KCND2: variants seen among roughly 807,000 people sequenced by gnomAD.
The protein encoded by KCND2 is potassium voltage-gated channel subfamily D member 2, also known as A-type voltage-gated potassium channel KCND2.
In KCND2, 16 loss-of-function variants were observed where a neutral mutation model predicts 54.4. The ratio of observed to expected loss-of-function variants is 0.29; its 90% confidence interval spans 0.20 to 0.45. KCND2 has a LOEUF of 0.45. Among genes scored for constraint, KCND2 ranks in the 20% least tolerant of loss-of-function variants. The pLI, the probability that KCND2 is intolerant of heterozygous loss-of-function variation, is 1.00. For missense variants in KCND2, 486 were observed against 824.2 expected, an observed-to-expected ratio of 0.59 and a Z score of 5.02; for synonymous variants, 317 against 310.7, an observed-to-expected ratio of 1.02 and a Z score of -0.21.
intron 1 of KCND2, among the ~76,000 whole-genome samples, chr7:120,556,359 C>T (rs1253308863): frequency 2.6e-5 from 4 of 152,128 alleles, no homozygotes; most frequent in African/African-American, 9.7e-5. Context: ...TGACTTCCTA[C>T]CAGATTAAGG....
At position 120,411,277 on chromosome 7, in the gene KCND2, T is replaced by G. The variant is rs550340936; in HGVS notation, c.1115+135530T>G. Among the ~76,000 whole-genome samples the G allele has an allele frequency of 2.0e-5, 3 of 152,068 alleles. No individual in the cohort carries two copies. The South Asian group carries it at 6.2e-4, about 32-fold the overall frequency. Reference sequence around the variant, plus strand: ...GTCCACTATCCTTAAAGATCATTTATATAGACCCCATGAGGAAATGTCATT... The same window carrying G: ...GTCCACTATCCTTAAAGATCATTTAGATAGACCCCATGAGGAAATGTCATT... On this transcript the variant is annotated intron_variant, in intron 1 of 5. Transcript: ENST00000331113.
intron 1 of KCND2, among the ~76,000 whole-genome samples, chr7:120,534,374 C>T (rs57580892): frequency 0.027 from 4,060 of 152,150 alleles, 159 homozygotes; most frequent in African/African-American, 0.091. Context: ...TTACCTAACC[C>T]GGTGTCAGTC....
At position 120,528,093 on chromosome 7, in the gene KCND2, T is replaced by A. The variant is rs1457634848; in HGVS notation, c.1116-204810T>A. 2.0e-5 allele frequency among the ~76,000 whole-genome samples: 3 copies of A among 152,158 alleles called. No homozygotes were observed. In the East Asian group the frequency reaches 5.8e-4, roughly 29 times the overall value. Reference sequence around the variant, plus strand: ...TTACTTCTTTCTGTGATTTTATTACTTCTCTGCTACAAAGACAAACATTGT... The same window carrying A: ...TTACTTCTTTCTGTGATTTTATTACATCTCTGCTACAAAGACAAACATTGT... On this transcript the variant is annotated intron_variant, in intron 1 of 5. Transcript: ENST00000331113.
chr7:120,666,968 T>C (rs902505359), intron 1 of KCND2, among the ~76,000 whole-genome samples: 1 of 151,878 alleles, frequency 6.6e-6, no homozygotes, highest in Middle Eastern at 3.2e-3. Flanking sequence ...CAAAGAACAA[T>C]TGCAGAAAGG....
intron 1 of KCND2, among the ~76,000 whole-genome samples, chr7:120,665,683 TA>T (rs1452298355): frequency 6.6e-6 from 1 of 152,048 alleles, no homozygotes; most frequent in East Asian, 1.9e-4. Flanking sequence ...AAGAAATTGT[TA>T]AAGTCATTTA....
intron 1 of KCND2, among the ~76,000 whole-genome samples, chr7:120,700,024 G>A (rs1250667091): frequency 6.6e-6 from 1 of 152,088 alleles, no homozygotes; most frequent in Non-Finnish European, 1.5e-5. Context: ...GGAAGAATCA[G>A]GACAAGAGCT....
Position 120,409,325 on chromosome 7 carries a change from TG to T in KCND2, c.1115+133579del, listed in dbSNP as rs1344634251. On this transcript the variant is annotated intron_variant, in intron 1 of 5. Coordinates refer to ENST00000331113, the MANE Select transcript of KCND2 (RefSeq NM_012281.3). ...GATTGTTTATCAATTTACTAGCTGA[TG>T]ATCATTTGGCTATTATGTTATATAC... Among the ~76,000 whole-genome samples, 4 of 152,004 alleles carry T rather than the reference TG, an allele frequency of 2.6e-5. No homozygotes were observed. In the East Asian group the frequency reaches 7.7e-4, roughly 29 times the overall value.
At position 120,749,418 on chromosome 7, in the gene KCND2, G is replaced by A. The variant is rs574508858; in HGVS notation, c.*1560G>A. On this transcript the variant is annotated 3_prime_UTR_variant, in exon 6 of 6. Coordinates refer to ENST00000331113, the MANE Select transcript of KCND2 (RefSeq NM_012281.3). ...TCAGCAGACATGTCTGCACATGACA[G>A]TGTAAAAAAGTTTAATGTCAAATGC... 3 of 152,400 alleles carry A rather than the reference G, an allele frequency of 2.0e-5. No individual in the cohort carries two copies. The South Asian group carries it at 6.2e-4, about 32-fold the overall frequency. The allele number at this position is 152,400 out of a possible 1,614,324, so 9.4% of individuals were successfully genotyped here. A position where few individuals can be genotyped will look rare whatever the true frequency, so the allele number is the denominator to read the frequency against.
intron 1 of KCND2, among the ~76,000 whole-genome samples, chr7:120,596,549 T>A (rs572911437): frequency 6.6e-6 from 1 of 152,298 alleles, no homozygotes; most frequent in South Asian, 2.1e-4. Flanking sequence ...TTGTACCAAT[T>A]GTATATGCCA....
At chr7:120,518,112 G>A (rs981099650) in intron 1 of KCND2, among the ~76,000 whole-genome samples, 1 of 152,032 alleles carries the variant, frequency 6.6e-6, no homozygotes, top group African/African-American at 2.4e-5. Flanking sequence ...AGTGAACATC[G>A]GGTCTGGGGA....
At chr7:120,692,326 T>TGGTCCTTG (rs1792279821) in intron 1 of KCND2, among the ~76,000 whole-genome samples, 1 of 152,224 alleles carries the variant, frequency 6.6e-6, no homozygotes, top group Non-Finnish European at 1.5e-5. Flanking sequence ...TCCAAAATGA[T>TGGTCCTTG]GGTCCTTGAC....
intron 1 of KCND2, among the ~76,000 whole-genome samples, chr7:120,468,877 T>C (rs2402538): frequency 2.8e-5 from 3 of 105,574 alleles, no homozygotes; most frequent in African/African-American, 9.6e-5. Context: ...TTATTCTTCA[T>C]TGATTCCCTG....
chr7:120,353,228 A>C (rs1800443675), intron 1 of KCND2, among the ~76,000 whole-genome samples: 1 of 148,318 alleles, frequency 6.7e-6, no homozygotes, highest in Non-Finnish European at 1.5e-5. Context: ...GAAAGTGGGA[A>C]TTGAGACCCT....
intron 1 of KCND2, among the ~76,000 whole-genome samples, chr7:120,442,038 C>A (rs1801951950): frequency 6.6e-6 from 1 of 152,096 alleles, no homozygotes; most frequent in South Asian, 2.1e-4. Flanking sequence ...CAGGCATATA[C>A]TTGTTTCCTA....
At chr7:120,382,681 A>G (rs1800931357) in intron 1 of KCND2, among the ~76,000 whole-genome samples, 1 of 151,870 alleles carries the variant, frequency 6.6e-6, no homozygotes, top group Admixed American at 6.6e-5. Context: ...AACAAAAGCT[A>G]AGGTTTAATT....
intron 1 of KCND2, among the ~76,000 whole-genome samples, chr7:120,585,369 C>G (rs1224111559): frequency 6.6e-6 from 1 of 151,912 alleles, no homozygotes; most frequent in Non-Finnish European, 1.5e-5. Context: ...TCATGGTTGA[C>G]AAAGGAGTTT....
At chr7:120,472,496 T>C (rs1410254831) in intron 1 of KCND2, among the ~76,000 whole-genome samples, 1 of 152,172 alleles carries the variant, frequency 6.6e-6, no homozygotes, top group Non-Finnish European at 1.5e-5. Context: ...CAATTTACTT[T>C]ATCAAACCCT....
chr7:120,346,800 G>T (rs1236620391), intron 1 of KCND2, among the ~76,000 whole-genome samples: 1 of 151,926 alleles, frequency 6.6e-6, no homozygotes, highest in African/African-American at 2.4e-5. Flanking sequence ...ACAGTGCCTT[G>T]ATGAAAAATG....
At chr7:120,467,570 C>T (rs2116253423) in intron 1 of KCND2, among the ~76,000 whole-genome samples, 1 of 152,160 alleles carries the variant, frequency 6.6e-6, no homozygotes. Context: ...CAGACCCAAC[C>T]TGTTTGGGAT....
Sources: gnomAD v4.1 joint callset for allele counts (sites outside exome capture counted in the v4.1 genomes callset) on GRCh38, gnomAD v4.1.1 for gene constraint, MANE v1.5 for transcripts, NCBI Gene and HGNC (gene_info 2026-07-23, HGNC 2026-07-21) for gene names.